Variants in HGSNAT observed in about 807,000 individuals in gnomAD.
The protein encoded by HGSNAT is heparan-alpha-glucosaminide N-acetyltransferase, also known as transmembrane protein 76.
In HGSNAT, 59 loss-of-function variants were observed where a neutral mutation model predicts 85.2. The observed-to-expected ratio is 0.69, with a 90% CI of 0.56 to 0.86. The LOEUF is 0.86. Among genes scored for constraint, HGSNAT ranks in the 40% least tolerant of loss-of-function variants. HGSNAT has a pLI of 0.00. For synonymous variants in HGSNAT, 321 were observed against 304.5 expected (o/e 1.05, Z -0.56); for missense variants, 756 against 777.1 (o/e 0.97, Z 0.32).
intron 1 of HGSNAT, among the ~76,000 whole-genome samples, chr8:43,145,125 C>G (rs1010366199): frequency 6.6e-6 from 1 of 152,124 alleles, no homozygotes; most frequent in African/African-American, 2.4e-5. Flanking sequence ...AGGAATGGGC[C>G]TCCCTTGGCA....
chr8:43,180,050 C>T (rs933739460), intron 10 of HGSNAT, among the ~76,000 whole-genome samples: 2 of 107,058 alleles, frequency 1.9e-5, no homozygotes, highest in Non-Finnish European at 3.8e-5. Flanking sequence ...GGGCGGCTGG[C>T]CGGGCGGGGG....
At chr8:43,179,199 C>A (rs1406387607) in intron 10 of HGSNAT, among the ~76,000 whole-genome samples, 2 of 151,150 alleles carry the variant, frequency 1.3e-5, no homozygotes, top group African/African-American at 2.4e-5. Flanking sequence ...CGGGCAGAAG[C>A]GCCCCTCACC....
In HGSNAT at chr8:43,200,538, G is replaced by A. The variant is rs891304824; in HGVS notation, c.*969G>A. On this transcript the variant is annotated 3_prime_UTR_variant, in exon 18 of 18. Coordinates refer to ENST00000379644, the MANE Select transcript of HGSNAT (RefSeq NM_152419.3). ...AAAACTCTTCAAAATAAATAGTAGT[G>A]AAAACTTTTAAAAACTCTCATTGGA... The A allele has an allele frequency of 2.6e-5, 4 of 152,224 alleles. No individual in the cohort carries two copies. Among genetic ancestry groups the A allele is most frequent in the African/African-American group, 9.7e-5 (4 of 41,450 alleles). 9.4% of individuals were successfully genotyped at this position (152,224 alleles called of 1,614,324 possible). A position where few individuals can be genotyped will look rare whatever the true frequency, so the allele number is the denominator to read the frequency against.
Position 43,182,260 on chromosome 8 carries a change from G to C in HGSNAT, c.1128G>C (p.Ser376=), listed in dbSNP as rs770462636. The C allele has an allele frequency of 1.9e-6, 3 of 1,608,334 alleles. No homozygotes were observed. The highest frequency in any genetic ancestry group is 1.7e-6 in the Non-Finnish European group (2 of 1,174,884). The part of the protein sequence containing the change: ...FAKPVPEHCA[S]ERSCLSLRDI... Reference sequence around the variant, plus strand: ...AACCTGTGCCTGAACATTGTGCCTCGGTGAGAAACCATGTTTTAATTAAGA... The same window carrying C: ...AACCTGTGCCTGAACATTGTGCCTCCGTGAGAAACCATGTTTTAATTAAGA... Residue 376 remains serine (S), a splice_region_variant and synonymous_variant, in exon 11 of 18, where the codon TCG becomes TCC. Transcript: ENST00000379644.
At position 43,179,519 on chromosome 8, in the gene HGSNAT, C is replaced by T. The variant is rs1472942670; in HGVS notation, c.1012+1285C>T. 1.6e-3 allele frequency among the ~76,000 whole-genome samples: 203 copies of T among 125,214 alleles called. 1 individual carries two copies. Among genetic ancestry groups the T allele is most frequent in the Non-Finnish European group, 2.5e-3 (147 of 59,286 alleles). 82.1% of individuals were successfully genotyped at this position (125,214 alleles called of 152,430 possible). A position where few individuals can be genotyped will look rare whatever the true frequency, so the allele number is the denominator to read the frequency against. On this transcript the variant is annotated intron_variant, in intron 10 of 17. Coordinates refer to ENST00000379644, the MANE Select transcript of HGSNAT (RefSeq NM_152419.3). Reference sequence around the variant, plus strand: ...TGACCCCCCCCACCTCCCTCCCGGACGGGGCGGCTGGCCGACCCCCCCCAC... The same window carrying T: ...TGACCCCCCCCACCTCCCTCCCGGATGGGGCGGCTGGCCGACCCCCCCCAC...
intron 5 of HGSNAT, among the ~76,000 whole-genome samples, chr8:43,161,944 A>G (rs1352331946): frequency 6.6e-6 from 1 of 152,246 alleles, no homozygotes; most frequent in African/African-American, 2.4e-5. Context: ...GCACAGATGT[A>G]TGCCTGGTGG....
At chr8:43,178,025 G>C in intron 9 of HGSNAT, 49 bp from the exon 10 acceptor site, 1 of 1,491,208 alleles carries the variant, frequency 6.7e-7, no homozygotes, top group East Asian at 2.3e-5. Context: ...CTGATATATA[G>C]ACAAAAAATT....
At chr8:43,197,457 C>G in intron 15 of HGSNAT, 1 of 584,876 alleles carries the variant, frequency 1.7e-6, no homozygotes, top group South Asian at 2.2e-5. Flanking sequence ...TAAGCTTACC[C>G]TCTTCAACTC....
intron 2 of HGSNAT, among the ~76,000 whole-genome samples, 165 bp from the exon 3 acceptor site, chr8:43,158,410 T>C (rs563191808): frequency 4.6e-5 from 7 of 152,318 alleles, no homozygotes; most frequent in East Asian, 3.9e-4. Flanking sequence ...GTCATTGTTT[T>C]AGTACAAAAT....
chr8:43,155,310 G>T (rs1312887912), intron 2 of HGSNAT, among the ~76,000 whole-genome samples: 1 of 152,054 alleles, frequency 6.6e-6, no homozygotes, highest in Non-Finnish European at 1.5e-5. Flanking sequence ...TTGTGGTTTT[G>T]ATTTACATTT....
chr8:43,158,336 G>C (rs1005163072), intron 2 of HGSNAT, among the ~76,000 whole-genome samples: 3 of 152,194 alleles, frequency 2.0e-5, no homozygotes, highest in African/African-American at 4.8e-5. Context: ...CTGACCTCCT[G>C]ATCCGCCTGC....
chr8:43,146,371 G>T (rs914773242), intron 1 of HGSNAT, among the ~76,000 whole-genome samples: 3 of 152,198 alleles, frequency 2.0e-5, no homozygotes, highest in African/African-American at 4.8e-5. Context: ...ACTCAAGCAG[G>T]TTCTGCATTT....
intron 2 of HGSNAT, among the ~76,000 whole-genome samples, chr8:43,151,039 C>T (rs1802900725): frequency 6.6e-6 from 1 of 151,990 alleles, no homozygotes; most frequent in Admixed American, 6.6e-5. Context: ...ATAGTAAATA[C>T]TAATGCTAAA....
chr8:43,179,370 T>C (rs1205511887), intron 10 of HGSNAT, among the ~76,000 whole-genome samples: 1 of 102,108 alleles, frequency 9.8e-6, no homozygotes, highest in South Asian at 3.3e-4. Flanking sequence ...CGGGGGGCTG[T>C]CCCCCCCACC....
intron 2 of HGSNAT, among the ~76,000 whole-genome samples, chr8:43,150,863 AAAT>A (rs1802893675): frequency 1.5e-5 from 2 of 137,086 alleles, no homozygotes; most frequent in Non-Finnish European, 1.6e-5. Context: ...ATAAATAAAT[AAAT>A]AAAATAAAAT....
At chr8:43,160,110 C>G (rs776806980) in intron 4 of HGSNAT, among the ~76,000 whole-genome samples, 7 of 152,172 alleles carry the variant, frequency 4.6e-5, no homozygotes, top group African/African-American at 7.2e-5. Context: ...CCAAAGAAAA[C>G]AAAAACAATG....
At chr8:43,150,861 AT>A (rs1802893405) in intron 2 of HGSNAT, among the ~76,000 whole-genome samples, 2 of 151,600 alleles carry the variant, frequency 1.3e-5, no homozygotes, top group Non-Finnish European at 1.5e-5. Flanking sequence ...AAATAAATAA[AT>A]AAATAAAATA....
intron 2 of HGSNAT, among the ~76,000 whole-genome samples, chr8:43,153,356 A>G (rs1802979509): frequency 6.6e-6 from 1 of 151,608 alleles, no homozygotes; most frequent in African/African-American, 2.4e-5. Context: ...ACATTTTTAA[A>G]AAGTTTTTTT....
intron 10 of HGSNAT, among the ~76,000 whole-genome samples, chr8:43,179,687 T>C (rs557377834): frequency 0.078 from 235 of 3,000 alleles, no homozygotes; most frequent in East Asian, 0.21. Context: ...CCCTCCCGGA[T>C]GGGGCGGCTG....
Sources: allele counts gnomAD v4.1 joint callset (sites outside exome capture counted in the v4.1 genomes callset), GRCh38; gene constraint gnomAD v4.1.1; transcripts MANE v1.5; gene names NCBI Gene and HGNC (gene_info 2026-07-23, HGNC 2026-07-21).